Variants in ZNF385D observed in about 807,000 individuals in gnomAD.
The protein encoded by ZNF385D is zinc finger protein 385D, also known as zinc finger protein 659.
A neutral mutation model predicts 35.8 loss-of-function variants in ZNF385D; 15 were observed. That is an observed-to-expected ratio of 0.42 (90% CI 0.28 to 0.64). The LOEUF is 0.64. Ranked by LOEUF, ZNF385D falls within the 30% of genes least tolerant of loss-of-function variation. ZNF385D has a pLI of 0.23. For synonymous variants in ZNF385D, 212 were observed against 186.8 expected (o/e 1.13, Z -1.10); for missense variants, 474 against 494.6 (o/e 0.96, Z 0.39).
intron 3 of ZNF385D, among the ~76,000 whole-genome samples, chr3:22,135,250 T>C (rs572173994): frequency 4.4e-4 from 67 of 152,158 alleles, no homozygotes; most frequent in African/African-American, 1.5e-3. Flanking sequence ...ACAAGAAAGC[T>C]CCTATAACTA....
At chr3:22,041,564 G>C (rs1233431922) in intron 3 of ZNF385D, among the ~76,000 whole-genome samples, 2 of 152,054 alleles carry the variant, frequency 1.3e-5, no homozygotes, top group African/African-American at 4.8e-5. Flanking sequence ...AAATCTCTTG[G>C]GGTTTTTGAT....
intron 3 of ZNF385D, among the ~76,000 whole-genome samples, chr3:22,057,320 A>G (rs1699456003): frequency 6.6e-6 from 1 of 152,222 alleles, no homozygotes; most frequent in Non-Finnish European, 1.5e-5. Context: ...ATCATTTTAA[A>G]GTGACTAGCA....
intron 3 of ZNF385D, among the ~76,000 whole-genome samples, chr3:21,986,104 CT>C (rs1408375871): frequency 2.1e-5 from 2 of 94,114 alleles, no homozygotes; most frequent in African/African-American, 7.1e-5. Flanking sequence ...TTTGTTGATC[CT>C]TTCAAAAAAC....
chr3:21,689,667 T>A (rs2067220437), intron 1 of ZNF385D, among the ~76,000 whole-genome samples: 1 of 152,086 alleles, frequency 6.6e-6, no homozygotes, highest in African/African-American at 2.4e-5. Context: ...CTGTGGTTAA[T>A]CCATATATAA....
intron 3 of ZNF385D, among the ~76,000 whole-genome samples, chr3:22,091,414 C>G (rs572719870): frequency 3.3e-5 from 5 of 152,120 alleles, no homozygotes; most frequent in Admixed American, 1.3e-4. Flanking sequence ...TAACAGAAAT[C>G]AAAAGATAGC....
At chr3:22,153,572 T>C (rs1477385653) in intron 3 of ZNF385D, among the ~76,000 whole-genome samples, 1 of 151,654 alleles carries the variant, frequency 6.6e-6, no homozygotes, top group Non-Finnish European at 1.5e-5. Flanking sequence ...CAAGCAATTC[T>C]TGTGTCTCAG....
At position 21,564,601 on chromosome 3, in the gene ZNF385D, G is replaced by A. The variant is rs201635507; in HGVS notation, c.249C>T (p.Asn83=). 2.0e-4 allele frequency: 311 copies of A among 1,557,164 alleles called. No individual in the cohort carries two copies. Among genetic ancestry groups the A allele is most frequent in the Non-Finnish European group, 2.5e-4 (285 of 1,150,706 alleles). The change falls in exon 3 of 8, where the codon AAC becomes AAT. Residue 83 remains asparagine (N), a synonymous_variant. Transcript: ENST00000281523. ...PHRRKQIISC[N]ICQLRFNSDS... is the part of the protein sequence containing the mutation. ...CAGAATTAAATCTCAACTGGCAAAT[G>A]TTGCATGATATGATTTGCTTTCTTC... is the stretch of plus-strand genomic sequence containing the variant.
intron 3 of ZNF385D, among the ~76,000 whole-genome samples, chr3:22,030,273 A>ACATATATATATATATATATGTATG (rs1446848097): frequency 8.1e-5 from 7 of 86,720 alleles, no homozygotes; most frequent in African/African-American, 3.0e-4. Context: ...ATATATATAT[A>ACATATATATATATATATATGTATG]TATATATATA....
intron 2 of ZNF385D, among the ~76,000 whole-genome samples, chr3:22,341,232 G>A (rs1435547847): frequency 1.3e-5 from 2 of 152,112 alleles, no homozygotes; most frequent in African/African-American, 4.8e-5. Context: ...TTATAATAAT[G>A]CTTTTATCTG....
chr3:21,927,284 A>C (rs1189102966), intron 3 of ZNF385D, among the ~76,000 whole-genome samples: 1 of 151,980 alleles, frequency 6.6e-6, no homozygotes, highest in Non-Finnish European at 1.5e-5. Flanking sequence ...TTTTTTTTTA[A>C]TATATAAATT....
At chr3:22,362,495 T>C (rs971458992) in intron 2 of ZNF385D, among the ~76,000 whole-genome samples, 1 of 152,100 alleles carries the variant, frequency 6.6e-6, no homozygotes, top group Admixed American at 6.6e-5. Context: ...CTCAATCTAC[T>C]AGAAGCTGTC....
intron 4 of ZNF385D, among the ~76,000 whole-genome samples, chr3:21,454,681 G>T (rs1398091077): frequency 6.6e-6 from 1 of 152,158 alleles, no homozygotes; most frequent in Admixed American, 6.6e-5. Flanking sequence ...ACTGGCACAA[G>T]ACAGGGATGC....
At chr3:21,559,948 C>T (rs369293800) in intron 3 of ZNF385D, among the ~76,000 whole-genome samples, 21 of 152,054 alleles carry the variant, frequency 1.4e-4, no homozygotes, top group South Asian at 4.1e-4. Flanking sequence ...TTGATCAATT[C>T]GGCTATTGAT....
intron 2 of ZNF385D, among the ~76,000 whole-genome samples, chr3:22,205,368 A>G (rs148228350): frequency 1.1e-3 from 169 of 152,100 alleles, no homozygotes; most frequent in African/African-American, 3.9e-3. Context: ...GAAATGCTAT[A>G]AGAAGTTCTA....
rs1056208948 is a variant in ZNF385D at position 22,188,803 on chromosome 3, G to T, written c.107-19768C>A. Among the ~76,000 whole-genome samples, 2 of 152,088 alleles carry T rather than the reference G, an allele frequency of 1.3e-5. 1 individual carries two copies. The highest frequency in any genetic ancestry group is 4.1e-4 in the South Asian group (2 of 4,826). ...ATATCTAGAGAAATATCTTCTCATG[G>T]TATTAGGAACTTTTTGCTTTTAAGC... On this transcript the variant is annotated intron_variant, in intron 2 of 5. Transcript: ENST00000494108.
chr3:22,368,787 G>T (rs1449730781), intron 2 of ZNF385D, among the ~76,000 whole-genome samples: 2 of 152,154 alleles, frequency 1.3e-5, no homozygotes, highest in African/African-American at 4.8e-5. Flanking sequence ...CCCATTAAGG[G>T]CTAGGGCTCC....
chr3:22,057,715 T>C (rs887310029), intron 3 of ZNF385D, among the ~76,000 whole-genome samples: 1 of 152,096 alleles, frequency 6.6e-6, no homozygotes, highest in Non-Finnish European at 1.5e-5. Context: ...GGTTTCACCA[T>C]GTTGGTCAGG....
Position 21,564,577 on chromosome 3 carries a change from A to C in ZNF385D, c.273T>G (p.Ser91=). The C allele has an allele frequency of 6.5e-7, 1 of 1,531,070 alleles. No individual in the cohort carries two copies. Among genetic ancestry groups the C allele is most frequent in the South Asian group, 1.3e-5 (1 of 77,288 alleles). The allele number at this position is 1,531,070 out of a possible 1,614,324, so 94.8% of individuals were successfully genotyped here. Residue 91 remains serine (S), a synonymous_variant, in exon 3 of 8, where the codon TCT becomes TCG. Coordinates refer to ENST00000281523, the MANE Select transcript of ZNF385D (RefSeq NM_024697.3). ...GAACACTAAATGATAAACTTACATCAGAATTAAATCTCAACTGGCAAATGT... is the reference window on the plus strand; with the variant it reads ...GAACACTAAATGATAAACTTACATCCGAATTAAATCTCAACTGGCAAATGT... ...SCNICQLRFN[S]DSQAAAHYKG...
At chr3:21,994,911 T>C (rs536799861) in intron 3 of ZNF385D, among the ~76,000 whole-genome samples, 3 of 152,316 alleles carry the variant, frequency 2.0e-5, no homozygotes, top group African/African-American at 4.8e-5. Context: ...CAGCTGGTCA[T>C]TGGGCACTAG....
Sources: gnomAD v4.1 joint callset for allele counts (sites outside exome capture counted in the v4.1 genomes callset) on GRCh38, gnomAD v4.1.1 for gene constraint, MANE v1.5 for transcripts, NCBI Gene and HGNC (gene_info 2026-07-23, HGNC 2026-07-21) for gene names.